Variants in CHN2 observed in about 807,000 individuals in gnomAD.
CHN2 encodes beta-chimaerin.
A neutral mutation model predicts 56.3 loss-of-function variants in CHN2; 35 were observed. The ratio of observed to expected loss-of-function variants is 0.62; its 90% confidence interval spans 0.47 to 0.82. CHN2 has a LOEUF of 0.82. CHN2 is among the 40% of genes least tolerant of loss of function. The pLI, the probability that CHN2 is intolerant of heterozygous loss-of-function variation, is 0.00. For missense variants in CHN2, 491 were observed against 580.5 expected (o/e 0.85, Z 1.58); for synonymous variants, 210 against 212.8 (o/e 0.99, Z 0.12).
chr7:29,419,960 C>G (rs1319482999), intron 6 of CHN2, among the ~76,000 whole-genome samples: 1 of 151,112 alleles, frequency 6.6e-6, no homozygotes, highest in Non-Finnish European at 1.5e-5. Context: ...CTCGGGAGGC[C>G]GAGGCAGAAG....
intron 1 of CHN2, among the ~76,000 whole-genome samples, chr7:29,352,667 G>A (rs890232105): frequency 6.6e-6 from 1 of 152,158 alleles, no homozygotes; most frequent in Non-Finnish European, 1.5e-5. Flanking sequence ...AGGTTGCAGT[G>A]AGCCAAGATC....
At chr7:29,281,023 A>G (rs575766163) in intron 1 of CHN2, among the ~76,000 whole-genome samples, 14 of 152,324 alleles carry the variant, frequency 9.2e-5, no homozygotes, top group African/African-American at 3.4e-4. Context: ...TATTATATAC[A>G]TTGTATGATA....
In CHN2 at chr7:29,495,999, C is replaced by G; in HGVS notation, c.702C>G (p.Phe234Leu). The G allele has an allele frequency of 6.2e-7, 1 of 1,612,700 alleles. No homozygotes were observed. Among genetic ancestry groups the G allele is most frequent in the Non-Finnish European group, 8.5e-7 (1 of 1,179,592 alleles). The part of the protein sequence containing the change: ...GPHWCEYCAN[F>L]MWGLIAQGVR... ...ACTGGTGTGAATATTGTGCCAATTT[C>G]ATGTGGGGGCTCATCGCCCAAGGGG... Residue 234 changes from phenylalanine to leucine, a missense_variant, in exon 8 of 13, where the codon TTC becomes TTG. By Grantham distance (22) the Phe-to-Leu change is conservative (BLOSUM62 0). Coordinates refer to ENST00000222792, the MANE Select transcript of CHN2 (RefSeq NM_004067.4).
intron 1 of CHN2, among the ~76,000 whole-genome samples, chr7:29,225,606 G>T (rs78635254): frequency 0.011 from 1,679 of 152,274 alleles, 32 homozygotes; most frequent in African/African-American, 0.038. Context: ...CTGTAGTTTA[G>T]CATCGCTCTT....
chr7:29,197,999 T>C, intron 1 of CHN2: 1 of 456,256 alleles, frequency 2.2e-6, no homozygotes, highest in Non-Finnish European at 4.4e-6. Flanking sequence ...TTCATGGCAT[T>C]ATTTTGACTT....
At chr7:29,168,169 A>G (rs1020025400) in intron 2 of CHN2, among the ~76,000 whole-genome samples, 2 of 152,162 alleles carry the variant, frequency 1.3e-5, no homozygotes, top group Non-Finnish European at 2.9e-5. Context: ...GAGACTGCAC[A>G]TCTTCTGACG....
At chr7:29,274,326 C>T (rs772975921) in intron 1 of CHN2, among the ~76,000 whole-genome samples, 24 of 152,206 alleles carry the variant, frequency 1.6e-4, no homozygotes, top group Admixed American at 1.3e-4. Flanking sequence ...ACAACACATA[C>T]GTTTTTCCTC....
At chr7:29,296,896 C>G (rs1375768132) in intron 1 of CHN2, among the ~76,000 whole-genome samples, 1 of 152,156 alleles carries the variant, frequency 6.6e-6, no homozygotes, top group Admixed American at 6.5e-5. Flanking sequence ...CACAAACTTA[C>G]CTCTATGACA....
intron 7 of CHN2, among the ~76,000 whole-genome samples, chr7:29,484,480 T>C (rs2128550379): frequency 6.6e-6 from 1 of 152,306 alleles, no homozygotes; most frequent in African/African-American, 2.4e-5. Flanking sequence ...TAGCTTCTTG[T>C]GGTTGCGGCA....
intron 3 of CHN2, among the ~76,000 whole-genome samples, chr7:29,387,064 C>A (rs1174498708): frequency 1.3e-5 from 2 of 152,156 alleles, no homozygotes; most frequent in Non-Finnish European, 2.9e-5. Context: ...TGACCTCATG[C>A]TATTTAGTGG....
At chr7:29,413,418 C>T (rs1803430872) in intron 6 of CHN2, among the ~76,000 whole-genome samples, 1 of 152,146 alleles carries the variant, frequency 6.6e-6, no homozygotes, top group African/African-American at 2.4e-5. Context: ...TATTTTACCA[C>T]AGTACATATA....
chr7:29,286,027 G>C (rs1792110301), intron 1 of CHN2, among the ~76,000 whole-genome samples: 1 of 152,106 alleles, frequency 6.6e-6, no homozygotes, highest in Non-Finnish European at 1.5e-5. Flanking sequence ...TGGCCGCCAA[G>C]TACAGGCATT....
intron 6 of CHN2, among the ~76,000 whole-genome samples, chr7:29,435,133 C>G (rs1378067687): frequency 6.6e-6 from 1 of 152,034 alleles, no homozygotes; most frequent in Non-Finnish European, 1.5e-5. Context: ...AAAAACCAAC[C>G]AGATCATAAT....
At chr7:29,205,860 C>CA (rs368608160) in intron 1 of CHN2, among the ~76,000 whole-genome samples, 11 of 151,938 alleles carry the variant, frequency 7.2e-5, no homozygotes, top group South Asian at 4.2e-4. Context: ...GCAATATATA[C>CA]AAAAAAAATC....
At chr7:29,161,188 GC>G (rs1428032567) in intron 2 of CHN2, among the ~76,000 whole-genome samples, 6 of 152,258 alleles carry the variant, frequency 3.9e-5, no homozygotes, top group Non-Finnish European at 8.8e-5. Flanking sequence ...TTCAACATTA[GC>G]CTTGACCAGG....
chr7:29,284,857 C>T (rs1477028466), intron 1 of CHN2, among the ~76,000 whole-genome samples: 1 of 152,184 alleles, frequency 6.6e-6, no homozygotes, highest in African/African-American at 2.4e-5. Flanking sequence ...ATCTGAACCT[C>T]GTGATTCTGG....
chr7:29,418,009 T>A (rs923187698), intron 6 of CHN2, among the ~76,000 whole-genome samples: 4 of 152,072 alleles, frequency 2.6e-5, no homozygotes, highest in African/African-American at 9.7e-5. Context: ...GCACACCCAC[T>A]TGGCAGGTAA....
intron 1 of CHN2, among the ~76,000 whole-genome samples, chr7:29,210,218 G>A (rs1201758581): frequency 6.6e-6 from 1 of 152,112 alleles, no homozygotes; most frequent in Non-Finnish European, 1.5e-5. Context: ...ATTTCAAATA[G>A]CAATTACCAG....
chr7:29,237,261 C>T (rs951283760), intron 1 of CHN2, among the ~76,000 whole-genome samples: 1 of 152,170 alleles, frequency 6.6e-6, no homozygotes, highest in Non-Finnish European at 1.5e-5. Context: ...ACACTTGGCT[C>T]AGTGGGAAAA....
Sources: gnomAD v4.1 joint callset for allele counts (sites outside exome capture counted in the v4.1 genomes callset) on GRCh38, gnomAD v4.1.1 for gene constraint, MANE v1.5 for transcripts, NCBI Gene and HGNC (gene_info 2026-07-23, HGNC 2026-07-21) for gene names.